Variants in WBP4 observed in about 807,000 individuals in gnomAD.
The protein encoded by WBP4 is WW domain-binding protein 4.
Under a neutral mutation model 55.4 loss-of-function variants are expected in WBP4, and 37 were observed. The observed-to-expected ratio is 0.67, with a 90% CI of 0.51 to 0.88. The LOEUF (loss-of-function observed/expected upper bound fraction) is 0.88, where lower values mean the gene tolerates loss of function less well. WBP4 is among the 40% of genes least tolerant of loss of function. WBP4 has a pLI of 0.00. For missense variants in WBP4, 398 were observed against 420.8 expected (o/e 0.95, Z 0.47); for synonymous variants, 142 against 140.2 (o/e 1.01, Z -0.09).
intron 7 of WBP4, 60 bp downstream of exon 7, chr13:41,072,917 C>T: frequency 5.2e-6 from 7 of 1,357,586 alleles, no homozygotes; most frequent in Non-Finnish European, 7.2e-6. Flanking sequence ...TGCTTATTGG[C>T]CTGCTGATTA....
At chr13:41,078,027 T>C (rs1278465599) in intron 8 of WBP4, among the ~76,000 whole-genome samples, 1 of 152,218 alleles carries the variant, frequency 6.6e-6, no homozygotes, top group Non-Finnish European at 1.5e-5. Context: ...CTCATGCTTC[T>C]GGATTGGAAG....
intron 2 of WBP4, among the ~76,000 whole-genome samples, chr13:41,063,902 T>C (rs1330554205): frequency 6.6e-6 from 1 of 152,154 alleles, no homozygotes; most frequent in Non-Finnish European, 1.5e-5. Flanking sequence ...ATGTAAGATT[T>C]GATTGACAGA....
chr13:41,076,194 G>A lies in WBP4; in HGVS notation c.713G>A (p.Gly238Glu), dbSNP rs1878478216. Residue 238 changes from glycine to glutamate, a missense_variant, in exon 8 of 10, where the codon GGA (glycine) becomes GAA (glutamate). Coordinates refer to ENST00000379487, the MANE Select transcript of WBP4 (RefSeq NM_007187.5). Reference protein sequence around the residue: ...DSDGEQEAEEGGVSTETEKPK... With the variant: ...DSDGEQEAEEEGVSTETEKPK... ...GATGGGGAACAGGAAGCAGAAGAAG[G>A]AGGGGTCTCTACAGAGACAGAAAAG... 1.9e-6 allele frequency: 3 copies of A among 1,612,574 alleles called. No individual in the cohort carries two copies. The highest frequency in any genetic ancestry group is 4.5e-5 in the East Asian group (2 of 44,856).
chr13:41,083,755 C>A lies in WBP4; in HGVS notation c.*841C>A, dbSNP rs1455603969. The A allele has an allele frequency of 1.3e-5, 2 of 152,084 alleles. No individual in the cohort carries two copies. The highest frequency in any genetic ancestry group is 4.8e-5 in the African/African-American group (2 of 41,422). 9.4% of individuals were successfully genotyped at this position (152,084 alleles called of 1,614,324 possible). On this transcript the variant is annotated 3_prime_UTR_variant, in exon 10 of 10. Coordinates refer to ENST00000379487, the MANE Select transcript of WBP4 (RefSeq NM_007187.5). ...TTGATCTAAAATAGTATAAGGTCTC[C>A]AGCTTCAGTAAAAGTTTTTAGTGTT...
Position 41,062,757 on chromosome 13 carries a change from G to T in WBP4, c.75+41G>T, listed in dbSNP as rs756230858. 12 of 1,545,052 alleles carry T rather than the reference G, an allele frequency of 7.8e-6. No individual in the cohort carries two copies. In the Admixed American group the frequency reaches 2.1e-4, roughly 28 times the overall value. Reference sequence around the variant, plus strand: ...TGTTAGAGATTCTAATAATAATTGTGTTGAATGAAGTGCTCCTTTTTGATG... The same window carrying T: ...TGTTAGAGATTCTAATAATAATTGTTTTGAATGAAGTGCTCCTTTTTGATG... On this transcript the variant is annotated intron_variant, in intron 2 of 9. Transcript: ENST00000379487.
In WBP4 at chr13:41,065,204, A is replaced by G. The variant is rs780059748; in HGVS notation, c.179A>G (p.Lys60Arg). Reference sequence around the variant, plus strand: ...CTGGATAAGGCAAAGGAAGAAGAAAAGGCATCAAAGGAGTTTGCTGCAATG... The same window carrying G: ...CTGGATAAGGCAAAGGAAGAAGAAAGGGCATCAAAGGAGTTTGCTGCAATG... The part of the protein sequence containing the change: ...KSLDKAKEEE[K>R]ASKEFAAMEA... The change falls in exon 4 of 10, where the codon AAG (lysine) becomes AGG (arginine). Residue 60 changes from lysine to arginine, a missense_variant. Physicochemically the swap from Lys to Arg is conservative, Grantham distance 26. Coordinates refer to ENST00000379487, the MANE Select transcript of WBP4 (RefSeq NM_007187.5). 1 of 1,613,180 alleles carries G rather than the reference A, an allele frequency of 6.2e-7. No individual in the cohort carries two copies. The highest frequency in any genetic ancestry group is 1.7e-5 in the Admixed American group (1 of 59,932).
At chr13:41,074,848 A>C (rs1303479911) in intron 7 of WBP4, among the ~76,000 whole-genome samples, 1 of 152,122 alleles carries the variant, frequency 6.6e-6, no homozygotes, top group African/African-American at 2.4e-5. Context: ...TACAAAACCT[A>C]GCTGGGCGTG....
intron 1 of WBP4, 63 bp downstream of exon 1, chr13:41,061,738 CG>C: frequency 6.2e-7 from 1 of 1,609,244 alleles, no homozygotes; most frequent in Non-Finnish European, 8.5e-7. Flanking sequence ...CTTTCTCGCC[CG>C]GGTCTTCCCC....
At chr13:41,074,022 CT>C (rs1878367943) in intron 7 of WBP4, among the ~76,000 whole-genome samples, 1 of 151,740 alleles carries the variant, frequency 6.6e-6, no homozygotes, top group South Asian at 2.1e-4. Flanking sequence ...GCTCTGCCCC[CT>C]GGGGTTCATG....
rs1209902536 is a variant in WBP4, at chr13:41,072,833, T to C, written c.538T>C (p.Tyr180His). ...AGGTTTAAGTGAAGATGGTTTTACC[T>C]ATTACTATAATACAGAAACAGGAGG... is the stretch of plus-strand genomic sequence containing the variant. ...VEGLSEDGFT[Y>H]YYNTETGESR... is the part of the protein sequence containing the mutation. The change falls in exon 7 of 10, where the codon TAT (tyrosine) becomes CAT (histidine). Residue 180 changes from tyrosine to histidine, a missense_variant. Tyr to His is a moderately conservative substitution (Grantham distance 83, BLOSUM62 2). Transcript: ENST00000379487. 1 of 1,613,634 alleles carries C rather than the reference T, an allele frequency of 6.2e-7. No individual in the cohort carries two copies. The highest frequency in any genetic ancestry group is 8.5e-7 in the Non-Finnish European group (1 of 1,179,722).
intron 4 of WBP4, among the ~76,000 whole-genome samples, chr13:41,067,084 G>C (rs976562103): frequency 6.6e-6 from 1 of 152,074 alleles, no homozygotes; most frequent in East Asian, 1.9e-4. Context: ...GACCTCCCGG[G>C]CTCCAGTGAT....
chr13:41,062,187 GTT>G (rs1268014968), intron 1 of WBP4: 1 of 963,372 alleles, frequency 1.0e-6, no homozygotes, highest in Non-Finnish European at 1.2e-6. Context: ...CTCAAGAACA[GTT>G]TGTTTTAACT....
At chr13:41,070,793 A>G (rs905708521) in intron 5 of WBP4, among the ~76,000 whole-genome samples, 1 of 152,158 alleles carries the variant, frequency 6.6e-6, no homozygotes, top group African/African-American at 2.4e-5. Flanking sequence ...CCAGCAAAAG[A>G]AGGTTAAGAA....
rs529163806 is a variant in WBP4 at position 41,071,409 on chromosome 13, T to G, written c.440-118T>G. ...GTTCTGTTTTATTTTTCAAATATGT[T>G]TTAAATTGTAGACCTGTAGTGTTTT... is the stretch of plus-strand genomic sequence containing the variant. On this transcript the variant is annotated intron_variant, in intron 5 of 9. Coordinates refer to ENST00000379487, the MANE Select transcript of WBP4 (RefSeq NM_007187.5). The G allele has an allele frequency of 6.9e-4, 524 of 757,554 alleles. 6 individuals carry two copies. The highest frequency in any genetic ancestry group is 1.4e-3 in the Admixed American group (52 of 37,370). The allele number at this position is 757,554 out of a possible 1,614,324, so 46.9% of individuals were successfully genotyped here.
chr13:41,064,911 C>A, intron 2 of WBP4, 105 bp from the exon 3 acceptor site: 3 of 1,057,804 alleles, frequency 2.8e-6, no homozygotes, highest in African/African-American at 1.6e-5. Flanking sequence ...TTCTGCCATT[C>A]ATTTTAATTT....
chr13:41,061,951 C>A (rs933033943), intron 1 of WBP4, among the ~76,000 whole-genome samples: 1 of 152,018 alleles, frequency 6.6e-6, no homozygotes, highest in East Asian at 1.9e-4. Context: ...GGTGAAGCGA[C>A]GCAGTGCTCT....
intron 5 of WBP4, among the ~76,000 whole-genome samples, chr13:41,070,939 T>C (rs1878215692): frequency 6.6e-6 from 1 of 152,194 alleles, no homozygotes; most frequent in Non-Finnish European, 1.5e-5. Context: ...CCGTTAGAGT[T>C]TGCACTGAGC....
At chr13:41,075,942 C>A in intron 7 of WBP4, 102 bp from the exon 8 acceptor site, 2 of 1,190,328 alleles carry the variant, frequency 1.7e-6, no homozygotes, top group Non-Finnish European at 2.4e-6. Flanking sequence ...GAAATACATA[C>A]AGTATTGTCA....
At chr13:41,078,759 G>A (rs1464361231) in intron 8 of WBP4, among the ~76,000 whole-genome samples, 7 of 151,936 alleles carry the variant, frequency 4.6e-5, no homozygotes, top group South Asian at 2.1e-4. Flanking sequence ...CCTGGGAGGC[G>A]GAGGTTGCAG....
Sources: gnomAD v4.1 joint callset for allele counts (sites outside exome capture counted in the v4.1 genomes callset) on GRCh38, gnomAD v4.1.1 for gene constraint, MANE v1.5 for transcripts, NCBI Gene and HGNC (gene_info 2026-07-23, HGNC 2026-07-21) for gene names.